Variants in CDH18 observed in about 807,000 individuals in gnomAD.
CDH18 encodes the protein cadherin-18.
In CDH18, 31 loss-of-function variants were observed where a neutral mutation model predicts 67.9. That is an observed-to-expected ratio of 0.46 (90% CI 0.34 to 0.62). The LOEUF is 0.62. CDH18 is among the 20% of genes least tolerant of loss of function. CDH18 has a pLI of 0.01. For missense variants in CDH18, 890 were observed against 975.5 expected (o/e 0.91, Z 1.17); for synonymous variants, 362 against 347.2 (o/e 1.04, Z -0.48).
At chr5:19,626,231 T>A (rs1751521459) in intron 5 of CDH18, among the ~76,000 whole-genome samples, 1 of 152,068 alleles carries the variant, frequency 6.6e-6, no homozygotes, top group Non-Finnish European at 1.5e-5. Context: ...ACATATTGAC[T>A]GTGTAAATTT....
intron 9 of CDH18, among the ~76,000 whole-genome samples, chr5:19,527,220 T>C (rs1747879750): frequency 6.6e-6 from 1 of 151,856 alleles, no homozygotes; most frequent in African/African-American, 2.4e-5. Flanking sequence ...TAAGTGTATT[T>C]GTTTGATTTG....
At chr5:19,681,387 C>T (rs554045964) in intron 5 of CDH18, among the ~76,000 whole-genome samples, 2 of 151,810 alleles carry the variant, frequency 1.3e-5, no homozygotes, top group Non-Finnish European at 2.9e-5. Context: ...GAGCCTAAAA[C>T]AAAAGTAAAA....
chr5:20,397,511 A>C (rs2150124646), intron 1 of CDH18, among the ~76,000 whole-genome samples: 1 of 152,288 alleles, frequency 6.6e-6, no homozygotes, highest in African/African-American at 2.4e-5. Context: ...ATTTTCAGAA[A>C]TTAATTTAAT....
intron 2 of CDH18, among the ~76,000 whole-genome samples, chr5:20,162,203 T>C (rs1287748967): frequency 6.6e-6 from 1 of 152,026 alleles, no homozygotes; most frequent in Admixed American, 6.6e-5. Context: ...TCCAATGAAA[T>C]GTCATTTATC....
rs368047074 is a variant in CDH18 at position 19,642,623 on chromosome 5, C to A, written c.644-30022G>T. Among the ~76,000 whole-genome samples the A allele has an allele frequency of 2.8e-4, 42 of 151,980 alleles. 1 individual carries two copies. Among genetic ancestry groups the A allele is most frequent in the African/African-American group, 8.4e-4 (35 of 41,476 alleles). ...TGTTGGGAAAACTGGACATTCCATG[C>A]AGAATAATTTAAATGGACCCTTATT... is the stretch of plus-strand genomic sequence containing the variant. On this transcript the variant is annotated intron_variant, in intron 5 of 12. Coordinates refer to ENST00000382275, the MANE Select transcript of CDH18 (RefSeq NM_004934.5).
intron 1 of CDH18, among the ~76,000 whole-genome samples, chr5:20,328,224 G>A (rs991668786): frequency 4.6e-5 from 7 of 152,140 alleles, no homozygotes; most frequent in Non-Finnish European, 1.0e-4. Context: ...ACAAGATCAG[G>A]AAACCAAAGA....
At chr5:19,718,941 A>G (rs1581039808) in intron 5 of CDH18, among the ~76,000 whole-genome samples, 1 of 152,170 alleles carries the variant, frequency 6.6e-6, no homozygotes, top group East Asian at 1.9e-4. Context: ...ATGAATGCAC[A>G]TTGTATTTAC....
intron 1 of CDH18, among the ~76,000 whole-genome samples, chr5:20,301,792 T>TTTC: frequency 6.0e-5 from 2 of 33,318 alleles, no homozygotes; most frequent in East Asian, 6.4e-4. Context: ...CTTTTTTCTT[T>TTTC]TTTTTTTTTT....
intron 2 of CDH18, among the ~76,000 whole-genome samples, chr5:20,143,104 T>C (rs1750373436): frequency 6.6e-6 from 1 of 152,182 alleles, no homozygotes; most frequent in Non-Finnish European, 1.5e-5. Flanking sequence ...GAGGCAATTC[T>C]AGTGATGGCT....
intron 5 of CDH18, among the ~76,000 whole-genome samples, chr5:19,631,204 G>A (rs2150180904): frequency 6.6e-6 from 1 of 152,102 alleles, no homozygotes; most frequent in Non-Finnish European, 1.5e-5. Context: ...TTGAGTACAA[G>A]TCGATCATAA....
intron 5 of CDH18, among the ~76,000 whole-genome samples, chr5:19,619,317 A>G (rs1750337332): frequency 6.6e-6 from 1 of 152,228 alleles, no homozygotes; most frequent in Admixed American, 6.5e-5. Context: ...AATGATATGG[A>G]AACAGATATG....
At chr5:19,675,685 C>T (rs1042712559) in intron 5 of CDH18, among the ~76,000 whole-genome samples, 12 of 151,912 alleles carry the variant, frequency 7.9e-5, no homozygotes, top group Non-Finnish European at 1.8e-4. Flanking sequence ...GTGCATTTAA[C>T]ACAATCATCA....
At chr5:20,470,926 A>G (rs1752012307) in intron 1 of CDH18, among the ~76,000 whole-genome samples, 1 of 152,164 alleles carries the variant, frequency 6.6e-6, no homozygotes, top group Non-Finnish European at 1.5e-5. Flanking sequence ...TCTCTACGAG[A>G]TCGTTCCTAT....
At chr5:20,461,515 T>C (rs1751265840) in intron 1 of CDH18, among the ~76,000 whole-genome samples, 2 of 152,106 alleles carry the variant, frequency 1.3e-5, no homozygotes. Context: ...AACCTGATTA[T>C]GGCAATCACT....
At chr5:20,197,232 G>C (rs28632792) in intron 2 of CDH18, among the ~76,000 whole-genome samples, 3,548 of 152,086 alleles carry the variant, frequency 0.023, 126 homozygotes, top group African/African-American at 0.08. Flanking sequence ...GGCTGGTCTC[G>C]AACTCCTGAG....
intron 3 of CDH18, among the ~76,000 whole-genome samples, chr5:19,756,600 G>A (rs1771638293): frequency 1.3e-5 from 2 of 152,176 alleles, no homozygotes; most frequent in African/African-American, 4.8e-5. Context: ...GTAGTGGACT[G>A]ATTTCATCTT....
intron 3 of CDH18, among the ~76,000 whole-genome samples, chr5:19,807,904 A>G (rs1299011836): frequency 6.6e-6 from 1 of 152,050 alleles, no homozygotes; most frequent in Non-Finnish European, 1.5e-5. Flanking sequence ...TTCCCAATCT[A>G]TCTGCTTTTT....
At chr5:20,225,374 C>G (rs75891408) in intron 2 of CDH18, among the ~76,000 whole-genome samples, 1 of 151,964 alleles carries the variant, frequency 6.6e-6, no homozygotes, top group Admixed American at 6.6e-5. Context: ...ATTTGTGGAA[C>G]GAATAGATAA....
intron 1 of CDH18, among the ~76,000 whole-genome samples, chr5:20,388,136 G>T (rs1253758382): frequency 6.6e-6 from 1 of 152,188 alleles, no homozygotes; most frequent in East Asian, 1.9e-4. Flanking sequence ...AGTGTCAGAA[G>T]GAATGGCACC....
Sources: gnomAD v4.1 joint callset for allele counts (sites outside exome capture counted in the v4.1 genomes callset) on GRCh38, gnomAD v4.1.1 for gene constraint, MANE v1.5 for transcripts, NCBI Gene and HGNC (gene_info 2026-07-23, HGNC 2026-07-21) for gene names.